Variants in SLC37A2 observed in about 807,000 individuals in gnomAD.
The protein encoded by SLC37A2 is solute carrier family 37 member 2.
Under a neutral mutation model 70.7 loss-of-function variants are expected in SLC37A2, and 59 were observed. That is an observed-to-expected ratio of 0.83 (90% CI 0.68 to 1.04). SLC37A2 has a LOEUF of 1.04. Ranked by LOEUF, SLC37A2 falls within the 50% of genes least tolerant of loss-of-function variation. The probability of loss-of-function intolerance (pLI) is 0.00; values close to 1 mark genes in which losing one functional copy is unlikely to be tolerated. For missense variants in SLC37A2, 580 were observed against 658.1 expected (o/e 0.88, Z 1.30); for synonymous variants, 257 against 262.1 (o/e 0.98, Z 0.19).
intron 1 of SLC37A2, among the ~76,000 whole-genome samples, chr11:125,075,640 G>A (rs959394169): frequency 6.6e-6 from 1 of 152,262 alleles, no homozygotes; most frequent in Non-Finnish European, 1.5e-5. Context: ...GGCAAAGTGA[G>A]AAGGAGCCTC....
chr11:125,066,004 C>A (rs189741012), intron 1 of SLC37A2, among the ~76,000 whole-genome samples: 9 of 152,336 alleles, frequency 5.9e-5, no homozygotes, highest in Admixed American at 5.9e-4. Flanking sequence ...GTATTCTGAA[C>A]ATAGAAGACA....
intron 1 of SLC37A2, among the ~76,000 whole-genome samples, chr11:125,068,900 T>A (rs1949004420): frequency 6.6e-6 from 1 of 152,156 alleles, no homozygotes; most frequent in Non-Finnish European, 1.5e-5. Flanking sequence ...CTTTCACATG[T>A]CCCCAAGGAG....
intron 1 of SLC37A2, among the ~76,000 whole-genome samples, chr11:125,074,925 A>G (rs559179392): frequency 7.2e-5 from 11 of 152,296 alleles, no homozygotes. Context: ...AGTGGTCATG[A>G]AGGCTGGTCC....
chr11:125,080,575 T>C lies in SLC37A2; in HGVS notation c.528-39T>C. 1 of 1,421,566 alleles carries C rather than the reference T, an allele frequency of 7.0e-7. No individual in the cohort carries two copies. Among genetic ancestry groups the C allele is most frequent in the Non-Finnish European group, 9.3e-7 (1 of 1,077,278 alleles). The allele number at this position is 1,421,566 out of a possible 1,614,324, so 88.1% of individuals were successfully genotyped here. Reference sequence around the variant, plus strand: ...GCTATGAACAATGTGCTTTGCTTTTTACTTTTTATACCTCTTCCCTTCTCT... The same window carrying C: ...GCTATGAACAATGTGCTTTGCTTTTCACTTTTTATACCTCTTCCCTTCTCT... On this transcript the variant is annotated intron_variant, in intron 6 of 17. Transcript: ENST00000403796. This position sits in a 1 kb window ranked among gnomAD's most constrained non-coding sequence, Gnocchi z 4.3.
At position 125,088,955 on chromosome 11, in the gene SLC37A2, A is replaced by AGCTCT. The variant is rs10700656; in HGVS notation, c.*822_*826dup. Reference sequence around the variant, plus strand: ...TGCCAAGGAGTGCCTACTATATGCCAGCTCTAGGAATGGAGTAGACAGTGG... The same window carrying AGCTCT: ...TGCCAAGGAGTGCCTACTATATGCCAGCTCTGCTCTAGGAATGGAGTAGACAGTGG... On this transcript the variant is annotated 3_prime_UTR_variant, in exon 18 of 18. Coordinates refer to ENST00000403796, the MANE Select transcript of SLC37A2 (RefSeq NM_001145290.2). 119,498 of 152,028 alleles carry AGCTCT rather than the reference A, an allele frequency of 0.79. 47,725 individuals carry two copies. The highest frequency in any genetic ancestry group is 0.94 in the African/African-American group (39,170 of 41,476). 9.4% of individuals were successfully genotyped at this position (152,028 alleles called of 1,614,324 possible).
intron 3 of SLC37A2, 49 bp downstream of exon 3, chr11:125,077,372 G>T (rs749017664): frequency 6.3e-7 from 1 of 1,591,378 alleles, no homozygotes; most frequent in African/African-American, 1.3e-5. Context: ...CCTCTTCCTC[G>T]AGAAGGGGCT....
At chr11:125,087,982 G>A in intron 17 of SLC37A2, 137 bp from the exon 18 acceptor site, 1 of 908,656 alleles carries the variant, frequency 1.1e-6, no homozygotes, top group East Asian at 2.7e-5. Flanking sequence ...GAGGTGAAAG[G>A]GAGGCCTCAT....
intron 1 of SLC37A2, among the ~76,000 whole-genome samples, chr11:125,075,500 A>G (rs528139535): frequency 6.6e-6 from 1 of 152,134 alleles, no homozygotes; most frequent in African/African-American, 2.4e-5. Context: ...AGCTGCCTGC[A>G]TTCCAGACTA....
intron 2 of SLC37A2, among the ~76,000 whole-genome samples, 172 bp from the exon 3 acceptor site, chr11:125,077,058 T>A (rs1949095055): frequency 1.3e-5 from 2 of 152,158 alleles, no homozygotes; most frequent in South Asian, 4.1e-4. Flanking sequence ...TGGATGCTGC[T>A]CATGGGTCTG....
intron 5 of SLC37A2, 51 bp downstream of exon 5, chr11:125,079,298 C>G: frequency 1.2e-6 from 2 of 1,610,716 alleles, no homozygotes; most frequent in Non-Finnish European, 1.7e-6. Flanking sequence ...TCGGGAAGGA[C>G]CTGGGAGACC....
intron 1 of SLC37A2, among the ~76,000 whole-genome samples, chr11:125,068,813 AG>A (rs1481377544): frequency 1.4e-4 from 22 of 152,364 alleles, no homozygotes; most frequent in African/African-American, 5.3e-4. Flanking sequence ...AACAAAATAC[AG>A]GCCAGGGTGC....
At chr11:125,085,695 AGATAGGTATTGAG>A (rs1225114967) in intron 16 of SLC37A2, 21 bp downstream of exon 16, 1 of 1,607,828 alleles carries the variant, frequency 6.2e-7, no homozygotes, top group Non-Finnish European at 8.5e-7. Flanking sequence ...TGGGGTACAC[AGATAGGTATTGAG>A]GGATGCTCTG....
chr11:125,079,752 G>T lies in SLC37A2; in HGVS notation c.519G>T (p.Gly173=). ...TGACCTGTGTTGGCAACTGGTTCGG[G>T]AAGGGGAAGTGAGTGTAACAAGGGA... The part of the protein sequence containing the change: ...SVVTCVGNWF[G]KGKRGFIMGI... Residue 173 remains glycine, a synonymous_variant, in exon 6 of 18, where the codon GGG becomes GGT. Coordinates refer to ENST00000403796, the MANE Select transcript of SLC37A2 (RefSeq NM_001145290.2). 1 of 1,609,428 alleles carries T rather than the reference G, an allele frequency of 6.2e-7. No individual in the cohort carries two copies. The highest frequency in any genetic ancestry group is 1.1e-5 in the South Asian group (1 of 89,934).
chr11:125,085,726 A>C, intron 16 of SLC37A2, 52 bp downstream of exon 16: 1 of 1,581,004 alleles, frequency 6.3e-7, no homozygotes, highest in Non-Finnish European at 8.6e-7. Context: ...CTGTCCTGCC[A>C]GACTGGAACC....
Position 125,088,414 on chromosome 11 carries a change from G to T in SLC37A2, c.*280G>T. On this transcript the variant is annotated 3_prime_UTR_variant, in exon 18 of 18. Coordinates refer to ENST00000403796, the MANE Select transcript of SLC37A2 (RefSeq NM_001145290.2). Reference sequence around the variant, plus strand: ...CTGAGTTGTGTCTCCATTTTGATAAGGAAAGGATATGCTCAGACTCTTGCT... The same window carrying T: ...CTGAGTTGTGTCTCCATTTTGATAATGAAAGGATATGCTCAGACTCTTGCT... 1 of 471,442 alleles carries T rather than the reference G, an allele frequency of 2.1e-6. No individual in the cohort carries two copies. Among genetic ancestry groups the T allele is most frequent in the Non-Finnish European group, 3.8e-6 (1 of 263,366 alleles). 29.2% of individuals were successfully genotyped at this position (471,442 alleles called of 1,614,324 possible).
chr11:125,077,582 C>T (rs79425845), intron 4 of SLC37A2, 54 bp downstream of exon 4: 1,250 of 1,451,042 alleles, frequency 8.6e-4, no homozygotes, highest in African/African-American at 8.0e-3. Context: ...AGAGCTGCTA[C>T]CTCCCCTTAA....
chr11:125,071,021 TC>T (rs1406217295), intron 1 of SLC37A2, among the ~76,000 whole-genome samples: 1 of 152,092 alleles, frequency 6.6e-6, no homozygotes, highest in East Asian at 1.9e-4. Context: ...AGAGCTGGGG[TC>T]AGGGTTGACA....
At chr11:125,065,072 A>C (rs1016216472) in intron 1 of SLC37A2, among the ~76,000 whole-genome samples, 3 of 152,240 alleles carry the variant, frequency 2.0e-5, no homozygotes, top group African/African-American at 7.2e-5. Context: ...AATTATCTTC[A>C]TAGGTATATT....
chr11:125,064,902 G>A (rs954067546), intron 1 of SLC37A2, among the ~76,000 whole-genome samples: 1 of 152,152 alleles, frequency 6.6e-6, no homozygotes, highest in African/African-American at 2.4e-5. Flanking sequence ...CATACTTAAT[G>A]CCACCTAAAT....
Sources: allele counts gnomAD v4.1 joint callset (sites outside exome capture counted in the v4.1 genomes callset), GRCh38; gene constraint gnomAD v4.1.1; non-coding constraint Gnocchi (gnomAD v3.1); transcripts MANE v1.5; gene names NCBI Gene and HGNC (gene_info 2026-07-23, HGNC 2026-07-21).